TEX29: variants seen among roughly 807,000 people sequenced by gnomAD.
TEX29 encodes the protein testis expressed 29.
TEX29 carries 26 observed loss-of-function variants against 18.2 expected under a neutral mutation model. That is an observed-to-expected ratio of 1.43 (90% CI 1.04 to 1.98). TEX29 has a LOEUF of 1.98. Ranked by LOEUF, TEX29 falls within the 30% of genes most tolerant of loss-of-function variation. The pLI is 0.00. For synonymous variants in TEX29, 83 were observed against 78.5 expected (o/e 1.06, Z -0.31); for missense variants, 177 against 194.2 (o/e 0.91, Z 0.53).
At chr13:111,341,747 A>C (rs1235779396) in intron 4 of TEX29, among the ~76,000 whole-genome samples, 1 of 151,744 alleles carries the variant, frequency 6.6e-6, no homozygotes, top group Admixed American at 6.6e-5. Flanking sequence ...TTTAGTGAGC[A>C]CCTGTGCTTG....
chr13:111,343,524 C>T (rs75681211), intron 5 of TEX29, among the ~76,000 whole-genome samples: 1 of 152,302 alleles, frequency 6.6e-6, no homozygotes, highest in African/African-American at 2.4e-5. Context: ...CTTCGGTTTC[C>T]AGGAAGGAAA....
Position 111,339,933 on chromosome 13 carries a change from G to C in TEX29, c.239+1G>C. The C allele has an allele frequency of 1.2e-6, 2 of 1,609,238 alleles. No individual in the cohort carries two copies. The highest frequency in any genetic ancestry group is 1.7e-6 in the Non-Finnish European group (2 of 1,176,200). On this transcript the variant is annotated splice_donor_variant, in intron 4 of 5. Transcript: ENST00000283547. LOFTEE classifies it high-confidence loss of function. ...CCTTCGTCATCACCATCATCTACAG[G>C]TCGGTCCCTTTGTTCTTTACTGGGA...
In TEX29 at chr13:111,342,888, A is replaced by G. The variant is rs2093698930; in HGVS notation, c.372A>G (p.Pro124=). The change falls in exon 5 of 6, where the codon CCA becomes CCG. Residue 124 remains proline, a synonymous_variant. Coordinates refer to ENST00000283547, the MANE Select transcript of TEX29 (RefSeq NM_152324.3). ...LGLKPASPGP[P]SAGPSMKSDE... is the part of the protein sequence containing the mutation. The stretch of plus-strand genomic sequence containing the variant: ...TGAAGCCTGCGAGTCCTGGGCCTCC[A>G]AGTGCTGGGCCCTCGATGAAGAGTG... 6.2e-7 allele frequency: 1 copy of G among 1,614,166 alleles called. No individual in the cohort carries two copies. The highest frequency in any genetic ancestry group is 8.5e-7 in the Non-Finnish European group (1 of 1,180,030).
At chr13:111,329,128 C>G (rs1429695990) in intron 3 of TEX29, among the ~76,000 whole-genome samples, 2 of 152,170 alleles carry the variant, frequency 1.3e-5, no homozygotes, top group African/African-American at 4.8e-5. Context: ...TTTCCTTGTC[C>G]TGTGGAGGCC....
intron 3 of TEX29, among the ~76,000 whole-genome samples, chr13:111,331,377 G>A (rs904513193): frequency 3.5e-5 from 5 of 142,030 alleles, no homozygotes; most frequent in African/African-American, 1.3e-4. Flanking sequence ...GTCTATTCAA[G>A]TCCTTTGCCC....
intron 4 of TEX29, 48 bp downstream of exon 4, chr13:111,339,980 C>G (rs754952233): frequency 3.8e-6 from 6 of 1,561,626 alleles, no homozygotes; most frequent in African/African-American, 1.4e-5. Flanking sequence ...AGGGGACTCA[C>G]CTCTCCTGGC....
At chr13:111,328,676 G>T (rs2244021) in intron 3 of TEX29, among the ~76,000 whole-genome samples, 1 of 152,006 alleles carries the variant, frequency 6.6e-6, no homozygotes, top group East Asian at 1.9e-4. Flanking sequence ...GGCCGGGTGT[G>T]GGGTGAGCCC....
upstream of TEX29, among the ~76,000 whole-genome samples, chr13:111,319,063 C>T (rs899356688): frequency 6.6e-6 from 1 of 152,112 alleles, no homozygotes; most frequent in Non-Finnish European, 1.5e-5. Flanking sequence ...GGGCACGATT[C>T]CCATTCGTGA....
At chr13:111,325,601 G>T (rs1408835555) in intron 2 of TEX29, among the ~76,000 whole-genome samples, 3 of 152,156 alleles carry the variant, frequency 2.0e-5, no homozygotes, top group African/African-American at 7.2e-5. Context: ...GGAGGGCCGG[G>T]CTAGGAATGG....
intron 3 of TEX29, among the ~76,000 whole-genome samples, chr13:111,338,729 C>T (rs957442360): frequency 4.6e-5 from 7 of 152,134 alleles, no homozygotes; most frequent in Admixed American, 3.3e-4. Flanking sequence ...ATAATAACAA[C>T]AATAAGAATT....
rs146030680 is a variant in TEX29, at chr13:111,322,442, G to A, written c.58+1494G>A. ...CCCTCCTGGTTTCTGCTTCAGGGCTGTAAGCAGTGCAGCTGTTGTGTGTAC... is the reference window on the plus strand; with the variant it reads ...CCCTCCTGGTTTCTGCTTCAGGGCTATAAGCAGTGCAGCTGTTGTGTGTAC... On this transcript the variant is annotated intron_variant, in intron 2 of 5. Transcript: ENST00000283547. Among the ~76,000 whole-genome samples, 232 of 152,360 alleles carry A rather than the reference G, an allele frequency of 1.5e-3. 1 individual carries two copies. Among genetic ancestry groups the A allele is most frequent in the African/African-American group, 5.0e-3 (208 of 41,586 alleles).
At chr13:111,339,334 C>T (rs61740203) in intron 3 of TEX29, 6,790 of 454,882 alleles carry the variant, frequency 0.015, 53 homozygotes, top group Middle Eastern at 0.032. Flanking sequence ...GAGCCATTTC[C>T]AGGGAGCTGG....
At chr13:111,326,008 CTG>C (rs983968941) in intron 2 of TEX29, among the ~76,000 whole-genome samples, 3 of 152,232 alleles carry the variant, frequency 2.0e-5, no homozygotes, top group African/African-American at 7.2e-5. Flanking sequence ...CCTCCCGTGT[CTG>C]GGGACGGTGG....
Position 111,320,967 on chromosome 13 carries a change from A to AGGG in TEX29, c.58+23_58+25dup. The AGGG allele has an allele frequency of 4.5e-6, 1 of 220,260 alleles. No homozygotes were observed. Among genetic ancestry groups the AGGG allele is most frequent in the South Asian group, 5.4e-5 (1 of 18,532 alleles). 13.6% of individuals were successfully genotyped at this position (220,260 alleles called of 1,614,324 possible). A position where few individuals can be genotyped will look rare whatever the true frequency, so the allele number is the denominator to read the frequency against. ...TTCACAGGTATGGAGGGAAGGCGCC[A>AGGG]GGGGGGCGGGTGGGGTGGGGGAGCA... On this transcript the variant is annotated intron_variant, in intron 2 of 5. Coordinates refer to ENST00000283547, the MANE Select transcript of TEX29 (RefSeq NM_152324.3).
chr13:111,339,106 G>A (rs2093693566), intron 3 of TEX29, among the ~76,000 whole-genome samples: 1 of 152,212 alleles, frequency 6.6e-6, no homozygotes, highest in African/African-American at 2.4e-5. Flanking sequence ...GAGGCTGGGA[G>A]TGCACTCACG....
At position 111,320,940 on chromosome 13, in the gene TEX29, A is replaced by T; in HGVS notation, c.50A>T (p.Gln17Leu). ...AACTCTCCGCGGCACCTCCTGAAGCAATTCACAGGTATGGAGGGAAGGCGC... is the reference window on the plus strand; with the variant it reads ...AACTCTCCGCGGCACCTCCTGAAGCTATTCACAGGTATGGAGGGAAGGCGC... ...VKNSPRHLLK[Q>L]FTVCDVPLYD... The change falls in exon 2 of 6, where the codon CAA becomes CTA. Residue 17 changes from glutamine to leucine, a missense_variant. Physicochemically the swap from Gln to Leu is moderately radical, Grantham distance 113 (BLOSUM62 -2). Coordinates refer to ENST00000283547, the MANE Select transcript of TEX29 (RefSeq NM_152324.3). The T allele has an allele frequency of 1.4e-6, 2 of 1,465,242 alleles. No individual in the cohort carries two copies. Among genetic ancestry groups the T allele is most frequent in the Non-Finnish European group, 9.1e-7 (1 of 1,093,372 alleles). 90.8% of individuals were successfully genotyped at this position (1,465,242 alleles called of 1,614,324 possible).
In TEX29 at chr13:111,324,158, C is replaced by T. The variant is rs557332089; in HGVS notation, c.58+3210C>T. The stretch of plus-strand genomic sequence containing the variant: ...CAGGCACGTCTCTGGAGTTCCCACA[C>T]ATTTCCTGTCACCACTGTACTCAGA... On this transcript the variant is annotated intron_variant, in intron 2 of 5. Coordinates refer to ENST00000283547, the MANE Select transcript of TEX29 (RefSeq NM_152324.3). Among the ~76,000 whole-genome samples the T allele has an allele frequency of 3.0e-3, 456 of 152,340 alleles. 3 individuals carry two copies. The highest frequency in any genetic ancestry group is 5.2e-3 in the Non-Finnish European group (355 of 68,024).
At chr13:111,343,759 C>T (rs1275974575) in intron 5 of TEX29, among the ~76,000 whole-genome samples, 1 of 152,182 alleles carries the variant, frequency 6.6e-6, no homozygotes. Flanking sequence ...GGTAAGAGGG[C>T]AACCCACACT....
chr13:111,332,911 G>A (rs9515406), intron 3 of TEX29, among the ~76,000 whole-genome samples: 28,692 of 151,916 alleles, frequency 0.19, 4,330 homozygotes, highest in East Asian at 0.77. Flanking sequence ...TTGGTATTTC[G>A]TATAAAGAAG....
Sources: allele counts gnomAD v4.1 joint callset (sites outside exome capture counted in the v4.1 genomes callset), GRCh38; gene constraint gnomAD v4.1.1; transcripts MANE v1.5; gene names NCBI Gene and HGNC (gene_info 2026-07-23, HGNC 2026-07-21).